Variants in ADAM32 observed in about 807,000 individuals in gnomAD.
ADAM32 encodes disintegrin and metalloproteinase domain-containing protein 32.
Under a neutral mutation model 114.9 loss-of-function variants are expected in ADAM32, and 89 were observed. The observed-to-expected ratio is 0.77, with a 90% CI of 0.65 to 0.92. The LOEUF is 0.92. Ranked by LOEUF, ADAM32 falls within the 40% of genes least tolerant of loss-of-function variation. The probability of loss-of-function intolerance (pLI) is 0.00; values close to 1 mark genes in which losing one functional copy is unlikely to be tolerated. For missense variants in ADAM32, 870 were observed against 932.8 expected, an observed-to-expected ratio of 0.93 and a Z score of 0.88; for synonymous variants, 285 against 307.5, an observed-to-expected ratio of 0.93 and a Z score of 0.77.
At chr8:39,264,243 C>A (rs908500948) in intron 19 of ADAM32, among the ~76,000 whole-genome samples, 1 of 152,118 alleles carries the variant, frequency 6.6e-6, no homozygotes, top group African/African-American at 2.4e-5. Flanking sequence ...ATACTTGTAA[C>A]TGATCTGTGT....
At chr8:39,210,811 G>A (rs557773614) in intron 11 of ADAM32, among the ~76,000 whole-genome samples, 9 of 152,090 alleles carry the variant, frequency 5.9e-5, no homozygotes, top group Non-Finnish European at 1.2e-4. Context: ...TTAATTGGGT[G>A]CTAATTTTTA....
Position 39,227,872 on chromosome 8 carries a change from C to A in ADAM32, c.1526-4155C>A, listed in dbSNP as rs1025245623. On this transcript the variant is annotated intron_variant, in intron 14 of 24. Coordinates refer to ENST00000379907, the MANE Select transcript of ADAM32 (RefSeq NM_145004.7). Reference sequence around the variant, plus strand: ...GACCACCTCCTGGCAGGAGGCCAACCAGCACAAAAATAGGGCATTAAGCCA... The same window carrying A: ...GACCACCTCCTGGCAGGAGGCCAACAAGCACAAAAATAGGGCATTAAGCCA... Among the ~76,000 whole-genome samples the A allele has an allele frequency of 5.9e-5, 9 of 152,186 alleles. 1 individual carries two copies. The highest frequency in any genetic ancestry group is 1.0e-4 in the Non-Finnish European group (7 of 68,034).
intron 1 of ADAM32, among the ~76,000 whole-genome samples, chr8:39,116,395 G>A (rs1327296282): frequency 6.6e-6 from 1 of 152,096 alleles, no homozygotes. Context: ...ATTTGTTTAT[G>A]TCATCTCTGA....
intron 12 of ADAM32, among the ~76,000 whole-genome samples, chr8:39,215,858 T>G (rs1466683597): frequency 1.3e-5 from 2 of 152,040 alleles, no homozygotes; most frequent in African/African-American, 2.4e-5. Context: ...AAAGAATGTG[T>G]GTTTTTCAGC....
intron 3 of ADAM32, among the ~76,000 whole-genome samples, chr8:39,144,516 TGA>T (rs1803378575): frequency 6.6e-6 from 1 of 152,320 alleles, no homozygotes; most frequent in African/African-American, 2.4e-5. Context: ...ATGCTGGGTA[TGA>T]AGTGCTTGTG....
intron 19 of ADAM32, among the ~76,000 whole-genome samples, chr8:39,262,576 T>C (rs1039074784): frequency 6.6e-6 from 1 of 152,096 alleles, no homozygotes; most frequent in Admixed American, 6.5e-5. Context: ...CTTCTACCTC[T>C]TATTTGATAT....
At chr8:39,148,479 A>C (rs1803637542) in intron 4 of ADAM32, among the ~76,000 whole-genome samples, 1 of 10,142 alleles carries the variant, frequency 9.9e-5, no homozygotes. Flanking sequence ...TATTTCCTTT[A>C]CCTTTTTTTT....
intron 14 of ADAM32, among the ~76,000 whole-genome samples, chr8:39,230,727 C>CA (rs1373079004): frequency 6.6e-6 from 1 of 151,428 alleles, no homozygotes; most frequent in Admixed American, 6.6e-5. Context: ...AGCAAAAAAC[C>CA]AAAAAAGAAC....
chr8:39,187,161 A>G (rs1480669945), intron 11 of ADAM32, 116 bp downstream of exon 11: 1 of 842,610 alleles, frequency 1.2e-6, no homozygotes, highest in East Asian at 2.8e-5. Flanking sequence ...AAATTCACCA[A>G]GTATAAACAT....
At chr8:39,271,012 G>A in intron 20 of ADAM32, 98 bp downstream of exon 20, 2 of 1,137,310 alleles carry the variant, frequency 1.8e-6, no homozygotes, top group Non-Finnish European at 1.3e-6. Context: ...AACATCAATT[G>A]GTAAAGCAAT....
At chr8:39,126,661 A>G (rs1437548960) in intron 2 of ADAM32, among the ~76,000 whole-genome samples, 1 of 151,980 alleles carries the variant, frequency 6.6e-6, no homozygotes, top group Non-Finnish European at 1.5e-5. Context: ...AACATCCTTT[A>G]TTTGTTTCTC....
intron 3 of ADAM32, among the ~76,000 whole-genome samples, chr8:39,137,486 C>T (rs1802869937): frequency 6.6e-6 from 1 of 152,050 alleles, no homozygotes; most frequent in East Asian, 1.9e-4. Context: ...TGTAAACAAG[C>T]TGGGCGCGGT....
chr8:39,174,811 T>C (rs964685219), intron 10 of ADAM32, among the ~76,000 whole-genome samples: 7 of 152,070 alleles, frequency 4.6e-5, no homozygotes, highest in Non-Finnish European at 7.4e-5. Flanking sequence ...ATTCTTTCTA[T>C]TTATGAACAT....
intron 10 of ADAM32, among the ~76,000 whole-genome samples, chr8:39,175,028 G>T (rs1237079630): frequency 6.6e-6 from 1 of 152,090 alleles, no homozygotes; most frequent in Non-Finnish European, 1.5e-5. Context: ...TTTGCATATT[G>T]ATTTTGTATC....
chr8:39,221,437 T>C, intron 12 of ADAM32, 173 bp from the exon 13 acceptor site: 1 of 564,596 alleles, frequency 1.8e-6, no homozygotes, highest in Non-Finnish European at 3.1e-6. Context: ...TGACTGGTAG[T>C]AAAAGTCCTA....
At chr8:39,185,265 CA>C (rs56073309) in intron 10 of ADAM32, among the ~76,000 whole-genome samples, 114,140 of 121,622 alleles carry the variant, frequency 0.94, 53,574 homozygotes, top group East Asian at 0.99. Context: ...AACTCCATCT[CA>C]AAAAAAAAAA....
At chr8:39,185,754 A>C (rs1806195091) in intron 10 of ADAM32, among the ~76,000 whole-genome samples, 1 of 152,176 alleles carries the variant, frequency 6.6e-6, no homozygotes, top group Non-Finnish European at 1.5e-5. Context: ...TCAAAGTATA[A>C]ATTATCCCCT....
intron 4 of ADAM32, 87 bp from the exon 5 acceptor site, chr8:39,149,704 A>C: frequency 1.1e-6 from 1 of 933,666 alleles, no homozygotes; most frequent in Non-Finnish European, 1.6e-6. Context: ...AAAAATATTC[A>C]GAAGGTTCTA....
chr8:39,223,278 G>T (rs1266839397), intron 14 of ADAM32, 40 bp downstream of exon 14: 1 of 1,344,576 alleles, frequency 7.4e-7, no homozygotes, highest in Non-Finnish European at 9.9e-7. Context: ...CCTTAACATT[G>T]TTATTAACAT....
Sources: gnomAD v4.1 joint callset for allele counts (sites outside exome capture counted in the v4.1 genomes callset) on GRCh38, gnomAD v4.1.1 for gene constraint, MANE v1.5 for transcripts, NCBI Gene and HGNC (gene_info 2026-07-23, HGNC 2026-07-21) for gene names.